The following GNA14 variants were observed in gnomAD, a reference collection of about 807,000 sequenced individuals.
The protein encoded by GNA14 is guanine nucleotide-binding protein subunit alpha-14.
GNA14 carries 50 observed loss-of-function variants against 42.0 expected under a neutral mutation model. The ratio of observed to expected loss-of-function variants is 1.19; its 90% CI spans 0.95 to 1.51. The LOEUF (loss-of-function observed/expected upper bound fraction) is 1.51. Ranked by LOEUF, GNA14 falls within the 40% of genes most tolerant of loss-of-function variation. The pLI, the probability that GNA14 is intolerant of heterozygous loss-of-function variation, is 0.00. For missense variants in GNA14, 473 were observed against 446.2 expected (o/e 1.06, Z -0.54); for synonymous variants, 173 against 163.1 (o/e 1.06, Z -0.46).
chr9:77,538,527 G>A (rs1337366425), intron 1 of GNA14, among the ~76,000 whole-genome samples: 3 of 151,968 alleles, frequency 2.0e-5, no homozygotes, highest in Non-Finnish European at 4.4e-5. Flanking sequence ...TTGGAAATAT[G>A]GTCATTTTAA....
intron 1 of GNA14, among the ~76,000 whole-genome samples, chr9:77,552,999 A>T (rs936498773): frequency 1.3e-5 from 2 of 152,212 alleles, no homozygotes; most frequent in Admixed American, 1.3e-4. Flanking sequence ...AATATGAATG[A>T]GGATCACTCC....
intron 2 of GNA14, among the ~76,000 whole-genome samples, chr9:77,507,619 C>G (rs914210822): frequency 1.3e-5 from 2 of 152,264 alleles, no homozygotes; most frequent in East Asian, 3.9e-4. Flanking sequence ...CTTAAATAAA[C>G]ACACAAAGCA....
intron 3 of GNA14, among the ~76,000 whole-genome samples, chr9:77,432,151 A>C (rs896971281): frequency 6.6e-6 from 1 of 151,040 alleles, no homozygotes; most frequent in African/African-American, 2.4e-5. Flanking sequence ...AGACACTTTT[A>C]GGTAAAATAA....
At chr9:77,538,476 T>C (rs1454246965) in intron 1 of GNA14, among the ~76,000 whole-genome samples, 1 of 152,194 alleles carries the variant, frequency 6.6e-6, no homozygotes, top group South Asian at 2.1e-4. Flanking sequence ...AATATGATGT[T>C]GGTATTCTGA....
chr9:77,637,283 A>G (rs541942724), intron 1 of GNA14, among the ~76,000 whole-genome samples: 3 of 152,272 alleles, frequency 2.0e-5, no homozygotes, highest in Admixed American at 2.0e-4. Context: ...TTGTTCCACA[A>G]TTCCAAGAAT....
chr9:77,466,116 T>C (rs1300051401), intron 2 of GNA14, among the ~76,000 whole-genome samples: 3 of 152,232 alleles, frequency 2.0e-5, no homozygotes, highest in Non-Finnish European at 4.4e-5. Flanking sequence ...TTGATCCCAC[T>C]TAGATTTCAT....
chr9:77,424,586 T>G (rs1835425715), intron 6 of GNA14, among the ~76,000 whole-genome samples: 1 of 152,206 alleles, frequency 6.6e-6, no homozygotes, highest in Admixed American at 6.5e-5. Flanking sequence ...CCATCTTTAT[T>G]TCCAGGGAAC....
At chr9:77,428,861 A>C (rs1350018308) in intron 5 of GNA14, 46 bp downstream of exon 5, 8 of 1,598,222 alleles carry the variant, frequency 5.0e-6, no homozygotes, top group Non-Finnish European at 6.8e-6. Context: ...AAACCACAGA[A>C]TAGGCTCTGG....
At chr9:77,518,643 A>G (rs905319037) in intron 2 of GNA14, among the ~76,000 whole-genome samples, 1 of 152,242 alleles carries the variant, frequency 6.6e-6, no homozygotes, top group Non-Finnish European at 1.5e-5. Flanking sequence ...ACCTTTTTAC[A>G]ATCAACCACA....
At chr9:77,580,862 T>C (rs1455116189) in intron 1 of GNA14, among the ~76,000 whole-genome samples, 1 of 152,166 alleles carries the variant, frequency 6.6e-6, no homozygotes, top group Non-Finnish European at 1.5e-5. Context: ...TACATGTGCA[T>C]GCAAGTAATA....
chr9:77,594,374 C>A (rs1256777229), intron 1 of GNA14, among the ~76,000 whole-genome samples: 2 of 152,250 alleles, frequency 1.3e-5, no homozygotes, highest in Non-Finnish European at 2.9e-5. Flanking sequence ...AGCCACTCCA[C>A]ATCGGCTCCG....
intron 1 of GNA14, among the ~76,000 whole-genome samples, chr9:77,566,513 T>A (rs1822970675): frequency 6.6e-6 from 1 of 152,196 alleles, no homozygotes; most frequent in Non-Finnish European, 1.5e-5. Flanking sequence ...TTTGAAATGT[T>A]CATACACAAC....
chr9:77,513,241 T>C (rs1416382888), intron 2 of GNA14, among the ~76,000 whole-genome samples: 2 of 152,184 alleles, frequency 1.3e-5, no homozygotes, highest in Non-Finnish European at 2.9e-5. Flanking sequence ...ACACAAGGCC[T>C]TGAATCACCC....
intron 2 of GNA14, among the ~76,000 whole-genome samples, chr9:77,455,787 T>C (rs375908788): frequency 7.5e-4 from 114 of 152,260 alleles, no homozygotes; most frequent in African/African-American, 2.5e-3. Flanking sequence ...CTGATTCTCT[T>C]TTCACTTTAG....
chr9:77,492,514 A>AT (rs1004534981), intron 2 of GNA14, among the ~76,000 whole-genome samples: 1 of 152,120 alleles, frequency 6.6e-6, no homozygotes, highest in Non-Finnish European at 1.5e-5. Context: ...GCAAAGAATC[A>AT]TTAGAGACTA....
At chr9:77,481,155 G>T (rs565351314) in intron 2 of GNA14, among the ~76,000 whole-genome samples, 172 of 151,812 alleles carry the variant, frequency 1.1e-3, no homozygotes, top group African/African-American at 3.8e-3. Context: ...TGTCAATTTT[G>T]GATCTTTCCT....
chr9:77,634,748 G>C (rs1564071917), intron 1 of GNA14, among the ~76,000 whole-genome samples: 1 of 152,158 alleles, frequency 6.6e-6, no homozygotes, highest in Non-Finnish European at 1.5e-5. Context: ...TTCAGCTACT[G>C]TAAGGAATTC....
rs779821967 is a variant in GNA14 at position 77,464,611 on chromosome 9, G to C, written c.310-30089C>G. 3.8e-4 allele frequency among the ~76,000 whole-genome samples: 58 copies of C among 151,902 alleles called. 1 individual carries two copies. Among genetic ancestry groups the C allele is most frequent in the Non-Finnish European group, 1.8e-4 (12 of 67,976 alleles). On this transcript the variant is annotated intron_variant, in intron 2 of 6. Coordinates refer to ENST00000341700, the MANE Select transcript of GNA14 (RefSeq NM_004297.4). ...TCCATTCAAAACACACAAGTCAATGGTTTTTAGAATATCCAACGAGTCATG... is the reference window on the plus strand; with the variant it reads ...TCCATTCAAAACACACAAGTCAATGCTTTTTAGAATATCCAACGAGTCATG...
chr9:77,613,361 G>C (rs1823761661), intron 1 of GNA14, among the ~76,000 whole-genome samples: 1 of 152,230 alleles, frequency 6.6e-6, no homozygotes, highest in South Asian at 2.1e-4. Context: ...GAAGCAGAGA[G>C]TAGAATGGCA....
Sources: allele counts gnomAD v4.1 joint callset (sites outside exome capture counted in the v4.1 genomes callset), GRCh38; gene constraint gnomAD v4.1.1; transcripts MANE v1.5; gene names NCBI Gene and HGNC (gene_info 2026-07-23, HGNC 2026-07-21).